The following CGREF1 variants were observed in gnomAD, a reference collection of about 807,000 sequenced individuals.
CGREF1 encodes cell growth regulator with EF hand domain protein 1.
A neutral mutation model predicts 17.4 loss-of-function variants in CGREF1; 16 were observed. The observed-to-expected ratio is 0.92, with a 90% confidence interval of 0.62 to 1.40. CGREF1 has a LOEUF of 1.40. Among genes scored for constraint, CGREF1 ranks in the 40% most tolerant of loss-of-function variants. The pLI, the probability that CGREF1 is intolerant of heterozygous loss-of-function variation, is 0.00. For missense variants in CGREF1, 296 were observed against 376.4 expected (o/e 0.79, Z 1.77); for synonymous variants, 142 against 154.6 (o/e 0.92, Z 0.61).
At chr2:27,116,903 C>CTCTCTCTCTCTCTCTCTCTCTCTCTA in intron 1 of CGREF1, among the ~76,000 whole-genome samples, 1 of 129,044 alleles carries the variant, frequency 7.7e-6, no homozygotes, top group Non-Finnish European at 1.7e-5. Flanking sequence ...CTCTCTCTCT[C>CTCTCTCTCTCTCTCTCTCTCTCTCTA]TCTCTCTCTC....
At chr2:27,113,990 CTTTTTTTTTT>C (rs60288087) in intron 1 of CGREF1, among the ~76,000 whole-genome samples, 1 of 102,342 alleles carries the variant, frequency 9.8e-6, no homozygotes, top group Non-Finnish European at 1.8e-5. Context: ...TAGCAGGTGC[CTTTTTTTTTT>C]TTTTTTTTTT....
intron 2 of CGREF1, among the ~76,000 whole-genome samples, chr2:27,104,017 C>CA (rs1671016356): frequency 6.6e-6 from 1 of 152,078 alleles, no homozygotes; most frequent in African/African-American, 2.4e-5. Context: ...TTGCAGCCCC[C>CA]ACTTCTCTGG....
chr2:27,107,242 C>G (rs536377567), intron 1 of CGREF1, among the ~76,000 whole-genome samples: 1 of 103,298 alleles, frequency 9.7e-6, no homozygotes, highest in East Asian at 3.0e-4. Context: ...ACAGCAGATA[C>G]AGTTCACATT....
chr2:27,101,307 C>T lies in CGREF1; in HGVS notation c.924G>A (p.Val308=), dbSNP rs778615710. The change falls in exon 6 of 6, where the codon GTG becomes GTA. Residue 308 remains valine (V), a synonymous_variant. Coordinates refer to ENST00000402394, the MANE Select transcript of CGREF1 (RefSeq NM_006569.6). ...ESKNTQNDFE[V]HIVQVENDEI ...CATCATTCTCCACTTGAACAATGTG[C>T]ACCTCAAAGTCATTTTGGGTGTTCT... is the stretch of plus-strand genomic sequence containing the variant. The T allele has an allele frequency of 1.5e-5, 24 of 1,580,242 alleles. No individual in the cohort carries two copies. The highest frequency in any genetic ancestry group is 9.1e-5 in the Admixed American group (5 of 55,212).
Position 27,101,339 on chromosome 2 carries a change from CCAGT to C in CGREF1, c.888_891del (p.Leu297SerfsTer24). The stretch of plus-strand genomic sequence containing the variant: ...AAGTCATTTTGGGTGTTCTTAGACT[CCAGT>C]GTTTCCCCTGGAAGTTCCTTGGCCT... On this transcript the variant is annotated frameshift_variant, in exon 6 of 6. Coordinates refer to ENST00000402394, the MANE Select transcript of CGREF1 (RefSeq NM_006569.6). LOFTEE classifies it low-confidence loss of function (END_TRUNC). The C allele has an allele frequency of 6.2e-7, 1 of 1,609,338 alleles. No homozygotes were observed. Among genetic ancestry groups the C allele is most frequent in the Non-Finnish European group, 8.5e-7 (1 of 1,177,484 alleles).
chr2:27,117,722 T>C (rs975877075), intron 1 of CGREF1, among the ~76,000 whole-genome samples: 2 of 150,638 alleles, frequency 1.3e-5, no homozygotes, highest in Non-Finnish European at 3.0e-5. Flanking sequence ...TTTTTTTTTT[T>C]TTTTGAGGCG....
chr2:27,104,053 A>G (rs974086936), intron 2 of CGREF1, among the ~76,000 whole-genome samples: 9 of 152,136 alleles, frequency 5.9e-5, no homozygotes, highest in Admixed American at 1.3e-4. Context: ...CCTGTTCTTC[A>G]CGATGCACTG....
At chr2:27,100,433 G>A (rs1212689655), downstream of CGREF1, 1 of 1,290,956 alleles carries the variant, frequency 7.7e-7, no homozygotes, top group Non-Finnish European at 1.0e-6. Flanking sequence ...TTAAGGGCGT[G>A]CCTCAGCCAC....
chr2:27,107,762 G>A (rs796754762), intron 1 of CGREF1, among the ~76,000 whole-genome samples: 3 of 150,646 alleles, frequency 2.0e-5, no homozygotes, highest in Admixed American at 6.6e-5. Context: ...GTGAAACCCC[G>A]TCTCTACTAA....
chr2:27,112,897 C>T (rs1671442425), intron 1 of CGREF1, among the ~76,000 whole-genome samples: 1 of 152,170 alleles, frequency 6.6e-6, no homozygotes, highest in South Asian at 2.1e-4. Flanking sequence ...GTGGAGGCTT[C>T]CCGGGTCCCC....
intron 1 of CGREF1, among the ~76,000 whole-genome samples, chr2:27,108,139 C>T (rs1166674895): frequency 6.6e-6 from 1 of 152,004 alleles, no homozygotes; most frequent in Non-Finnish European, 1.5e-5. Context: ...CCTGTAATCC[C>T]AGCTACTCGG....
chr2:27,111,086 G>C (rs966149228), intron 1 of CGREF1: 4 of 152,386 alleles, frequency 2.6e-5, no homozygotes, highest in South Asian at 4.1e-4. Context: ...TATGGAAAAC[G>C]ACCTGAACAG....
intron 1 of CGREF1, among the ~76,000 whole-genome samples, chr2:27,106,573 C>A (rs1041656907): frequency 6.6e-6 from 1 of 152,180 alleles, no homozygotes; most frequent in Non-Finnish European, 1.5e-5. Flanking sequence ...AAAAAACTCT[C>A]CCTGAGACTC....
At chr2:27,110,454 TAA>T (rs1468130304) in intron 1 of CGREF1, among the ~76,000 whole-genome samples, 1 of 150,944 alleles carries the variant, frequency 6.6e-6, no homozygotes, top group African/African-American at 2.4e-5. Flanking sequence ...ACAGCACTAA[TAA>T]AAGAGACTAC....
chr2:27,116,871 TTCTCTCTCTCTCTCTCTCTCTC>T (rs537582075), intron 1 of CGREF1, among the ~76,000 whole-genome samples: 59 of 33,702 alleles, frequency 1.8e-3, no homozygotes, highest in African/African-American at 5.1e-3. Flanking sequence ...GCCAGGCCTA[TTCTCTCTCTCTCTCTCTCTCTC>T]TCTCTCTCTC....
At chr2:27,099,503 C>G, downstream of CGREF1, 1 of 1,614,128 alleles carries the variant, frequency 6.2e-7, no homozygotes, top group Non-Finnish European at 8.5e-7. Context: ...GATGCTTTCC[C>G]GCCACCCCGC....
chr2:27,104,555 C>T (rs1671043498), intron 1 of CGREF1, 178 bp from the exon 2 acceptor site: 2 of 1,550,520 alleles, frequency 1.3e-6, no homozygotes, highest in Admixed American at 3.9e-5. Context: ...GAACTATGCT[C>T]AAAATAAATG....
intron 1 of CGREF1, among the ~76,000 whole-genome samples, chr2:27,109,885 CAAAAAAAAAAAAAAAA>C (rs55824603): frequency 3.0e-5 from 2 of 65,822 alleles, no homozygotes; most frequent in Non-Finnish European, 5.0e-5. Flanking sequence ...GACTCCGTCT[CAAAAAAAAAAAAAAAA>C]AAAAAAAAAA....
In CGREF1 at chr2:27,104,254, C is replaced by T. The variant is rs758257053; in HGVS notation, c.80+33G>A. ...ATTCTCTAGAGACTTTCCCTCCTCC[C>T]AGCCCTTGGCCCTGCCCTCATAACC... is the stretch of plus-strand genomic sequence containing the variant. On this transcript the variant is annotated intron_variant, in intron 2 of 5. Coordinates refer to ENST00000402394, the MANE Select transcript of CGREF1 (RefSeq NM_006569.6). 15 of 1,522,780 alleles carry T rather than the reference C, an allele frequency of 9.9e-6. No homozygotes were observed. In the South Asian group the frequency reaches 1.6e-4, roughly 16 times the overall value. The allele number at this position is 1,522,780 out of a possible 1,614,324, so 94.3% of individuals were successfully genotyped here.
Sources: allele counts gnomAD v4.1 joint callset (sites outside exome capture counted in the v4.1 genomes callset), GRCh38; gene constraint gnomAD v4.1.1; transcripts MANE v1.5; gene names NCBI Gene and HGNC (gene_info 2026-07-23, HGNC 2026-07-21).